FOXN3: variants seen among roughly 807,000 people sequenced by gnomAD.
FOXN3 encodes the protein forkhead box N3.
A neutral mutation model predicts 38.4 loss-of-function variants in FOXN3; 7 were observed. That is an observed-to-expected ratio of 0.18 (90% CI 0.10 to 0.34). FOXN3 has a LOEUF of 0.34. Ranked by LOEUF, FOXN3 falls within the 10% of genes least tolerant of loss-of-function variation. The pLI, the probability that FOXN3 is intolerant of heterozygous loss-of-function variation, is 1.00. For missense variants in FOXN3, 456 were observed against 613.4 expected (o/e 0.74, Z 2.71); for synonymous variants, 230 against 242.2 (o/e 0.95, Z 0.47).
chr14:89,507,122 T>TAAAAA (rs11385288), intron 1 of FOXN3, among the ~76,000 whole-genome samples: 1 of 124,260 alleles, frequency 8.0e-6, no homozygotes, highest in Non-Finnish European at 1.6e-5. Flanking sequence ...GAATGATCAA[T>TAAAAA]AAAAAAAAAA....
Position 89,518,313 on chromosome 14 carries a change from A to G in FOXN3, c.-15+100715T>C, listed in dbSNP as rs75988568. Among the ~76,000 whole-genome samples, 1,459 of 152,304 alleles carry G rather than the reference A, an allele frequency of 9.6e-3. 18 individuals carry two copies. The highest frequency in any genetic ancestry group is 0.032 in the African/African-American group (1,347 of 41,560). ...TATGTGCTTCTGCTACTTTGCGGTC[A>G]TATCTTTTTCTCTGATCAGCCCCCA... is the stretch of plus-strand genomic sequence containing the variant. On this transcript the variant is annotated intron_variant, in intron 1 of 6. Transcript: ENST00000345097.
intron 4 of FOXN3, among the ~76,000 whole-genome samples, chr14:89,194,567 C>A (rs774503163): frequency 2.0e-5 from 3 of 152,050 alleles, no homozygotes; most frequent in Non-Finnish European, 4.4e-5. Flanking sequence ...ACCCTGACAC[C>A]CTGTGAGTGC....
intron 1 of FOXN3, among the ~76,000 whole-genome samples, chr14:89,447,069 A>C (rs1357370726): frequency 4.6e-5 from 7 of 151,916 alleles, no homozygotes; most frequent in Non-Finnish European, 8.8e-5. Flanking sequence ...GGTGGCATGC[A>C]CCTGTAGTCC....
At chr14:89,279,096 GA>G (rs58667858) in intron 4 of FOXN3, among the ~76,000 whole-genome samples, 4 of 150,584 alleles carry the variant, frequency 2.7e-5, no homozygotes, top group African/African-American at 9.8e-5. Flanking sequence ...AAACATCACA[GA>G]AAAAAAAATG....
chr14:89,563,615 T>A (rs1895291841), intron 1 of FOXN3, among the ~76,000 whole-genome samples: 1 of 151,004 alleles, frequency 6.6e-6, no homozygotes, highest in Non-Finnish European at 1.5e-5. Context: ...GGAGTAGGGG[T>A]GTTTAGATGG....
intron 1 of FOXN3, among the ~76,000 whole-genome samples, chr14:89,577,988 TC>T (rs1246050586): frequency 6.6e-6 from 1 of 152,158 alleles, no homozygotes. Flanking sequence ...AGAGAAATCT[TC>T]CCTTGGTGGA....
chr14:89,464,979 A>G (rs1892944170), intron 1 of FOXN3, among the ~76,000 whole-genome samples: 1 of 152,130 alleles, frequency 6.6e-6, no homozygotes, highest in Admixed American at 6.5e-5. Flanking sequence ...TGCAGGCGTG[A>G]GCCACCGCAC....
intron 3 of FOXN3, among the ~76,000 whole-genome samples, chr14:89,325,305 C>T (rs1468207118): frequency 7.4e-6 from 1 of 135,692 alleles, no homozygotes; most frequent in Non-Finnish European, 1.6e-5. Context: ...ACACCAACAC[C>T]ACCACCACGA....
At chr14:89,333,992 ATATATATATATATATATG>A (rs869307933) in intron 3 of FOXN3, among the ~76,000 whole-genome samples, 5,349 of 43,908 alleles carry the variant, frequency 0.12, 178 homozygotes, top group East Asian at 0.26. Context: ...ATATATATAT[ATATATATATATATATATG>A]TATATAAATG....
chr14:89,280,959 G>A lies in FOXN3; in HGVS notation c.736C>T (p.Leu246Phe). Residue 246 changes from leucine to phenylalanine, a missense_variant, in exon 4 of 6, where the codon CTT becomes TTT. Around this residue, in one of 3 missense-constraint regions of FOXN3, gnomAD observed 386 missense variants for 505.2 expected, o/e 0.76. Transcript: ENST00000557258. Reference sequence around the variant, plus strand: ...GTTACTAGGGACCTACCTTGGAGAAGGGCTCCATTTCTCTTGAAGAAGGTA... The same window carrying A: ...GTTACTAGGGACCTACCTTGGAGAAAGGCTCCATTTCTCTTGAAGAAGGTA... ...GSTFFKRNGA[L>F]LQVPPGVIQN... 6.2e-7 allele frequency: 1 copy of A among 1,613,738 alleles called. No individual in the cohort carries two copies. The highest frequency in any genetic ancestry group is 8.5e-7 in the Non-Finnish European group (1 of 1,179,882).
At chr14:89,580,911 G>A (rs1477621469) in intron 1 of FOXN3, among the ~76,000 whole-genome samples, 1 of 152,096 alleles carries the variant, frequency 6.6e-6, no homozygotes, top group Non-Finnish European at 1.5e-5. Flanking sequence ...GGCCAGGTGT[G>A]TTGGCTCATG....
chr14:89,300,401 C>T lies in FOXN3; in HGVS notation c.681-19387G>A, dbSNP rs563111400. Among the ~76,000 whole-genome samples, 29 of 152,238 alleles carry T rather than the reference C, an allele frequency of 1.9e-4. 1 individual carries two copies. The highest frequency in any genetic ancestry group is 6.3e-4 in the African/African-American group (26 of 41,548). On this transcript the variant is annotated intron_variant, in intron 3 of 5. Transcript: ENST00000557258. The stretch of plus-strand genomic sequence containing the variant: ...TTCACTATGTTGGCCAGGTTGGTCT[C>T]GAACTCCTGACCTCAGGTGATCCAC...
intron 1 of FOXN3, among the ~76,000 whole-genome samples, chr14:89,564,474 T>C (rs1381871886): frequency 6.6e-6 from 1 of 152,088 alleles, no homozygotes; most frequent in Non-Finnish European, 1.5e-5. Context: ...AAGCTACATA[T>C]CATCATCGTT....
intron 3 of FOXN3, among the ~76,000 whole-genome samples, chr14:89,297,279 G>C (rs1250605344): frequency 6.6e-6 from 1 of 151,982 alleles, no homozygotes; most frequent in Non-Finnish European, 1.5e-5. Context: ...ATTAAACATA[G>C]GGGCCGGGCG....
At chr14:89,218,395 C>T (rs1049835938) in intron 4 of FOXN3, among the ~76,000 whole-genome samples, 3 of 152,234 alleles carry the variant, frequency 2.0e-5, no homozygotes. Flanking sequence ...ATCCTATTCC[C>T]TTGCCTTTTC....
chr14:89,480,411 A>C (rs960296607), intron 1 of FOXN3, among the ~76,000 whole-genome samples: 2 of 152,070 alleles, frequency 1.3e-5, no homozygotes, highest in African/African-American at 4.8e-5. Context: ...CTCAAAAAAA[A>C]AAAAATGGTT....
At position 89,404,504 on chromosome 14, in the gene FOXN3, C is replaced by CAAAA. The variant is rs71130075; in HGVS notation, c.543+7426_543+7429dup. On this transcript the variant is annotated intron_variant, in intron 2 of 5. Transcript: ENST00000557258. ...TGGGTGACAGAGCGAGACTCTGTCT[C>CAAAA]AAAAAAAAAAAAAAAAAAAAAAAAA... Among the ~76,000 whole-genome samples the CAAAA allele has an allele frequency of 8.4e-4, 51 of 61,030 alleles. 4 individuals are homozygous for CAAAA. The highest frequency in any genetic ancestry group is 5.0e-3 in the East Asian group (9 of 1,816). 40.0% of individuals were successfully genotyped at this position (61,030 alleles called of 152,430 possible). A position where few individuals can be genotyped will look rare whatever the true frequency, so the allele number is the denominator to read the frequency against.
intron 1 of FOXN3, among the ~76,000 whole-genome samples, chr14:89,435,587 C>T (rs1450722242): frequency 6.6e-6 from 1 of 152,144 alleles, no homozygotes; most frequent in Non-Finnish European, 1.5e-5. Flanking sequence ...CAGATGCTTC[C>T]TTGAAAGCTC....
At chr14:89,518,630 T>C (rs1894255181) in intron 1 of FOXN3, among the ~76,000 whole-genome samples, 1 of 152,200 alleles carries the variant, frequency 6.6e-6, no homozygotes, top group South Asian at 2.1e-4. Flanking sequence ...ACATTTTAAA[T>C]AAAATGTTTA....
Sources: allele counts gnomAD v4.1 joint callset (sites outside exome capture counted in the v4.1 genomes callset), GRCh38; gene constraint gnomAD v4.1.1; regional missense constraint gnomAD v4.1.1; transcripts MANE v1.5; gene names NCBI Gene and HGNC (gene_info 2026-07-23, HGNC 2026-07-21).